The following FCHSD2 variants were observed in gnomAD, a reference collection of about 807,000 sequenced individuals.
FCHSD2 encodes the protein FCH and double SH3 domains 2, also known as F-BAR and double SH3 domains protein 2.
In FCHSD2, 38 loss-of-function variants were observed where a neutral mutation model predicts 108.1. The ratio of observed to expected loss-of-function variants is 0.35; its 90% CI spans 0.27 to 0.46. FCHSD2 has a LOEUF of 0.46. Ranked by LOEUF, FCHSD2 falls within the 20% of genes least tolerant of loss-of-function variation. FCHSD2 has a pLI of 1.00. For missense variants in FCHSD2, 751 were observed against 897.8 expected (o/e 0.84, Z 2.09); for synonymous variants, 279 against 314.7 (o/e 0.89, Z 1.20).
intron 19 of FCHSD2, among the ~76,000 whole-genome samples, chr11:72,839,665 G>A (rs1860847968): frequency 6.6e-6 from 1 of 152,088 alleles, no homozygotes; most frequent in African/African-American, 2.4e-5. Flanking sequence ...TACCAAGATA[G>A]GCAATATGGG....
chr11:72,960,223 T>C (rs566827994), intron 8 of FCHSD2, among the ~76,000 whole-genome samples: 17 of 152,146 alleles, frequency 1.1e-4, no homozygotes, highest in Admixed American at 1.1e-3. Context: ...GGAGATGCCA[T>C]GGCCAGTCTC....
At chr11:72,908,898 C>T (rs1302054137) in intron 9 of FCHSD2, among the ~76,000 whole-genome samples, 6 of 152,182 alleles carry the variant, frequency 3.9e-5, no homozygotes, top group Non-Finnish European at 1.5e-5. Context: ...AAGCGATCTG[C>T]CCACCTTGGC....
chr11:72,954,988 T>C (rs1300770859), intron 8 of FCHSD2, among the ~76,000 whole-genome samples: 4 of 152,164 alleles, frequency 2.6e-5, no homozygotes, highest in African/African-American at 9.7e-5. Flanking sequence ...CTCAACACAA[T>C]ACTTCTGACT....
At chr11:73,062,494 G>A (rs1859191507) in intron 3 of FCHSD2, among the ~76,000 whole-genome samples, 1 of 152,148 alleles carries the variant, frequency 6.6e-6, no homozygotes, top group African/African-American at 2.4e-5. Flanking sequence ...ACACCTCCAA[G>A]CTAAAGGAGC....
chr11:72,985,867 A>T (rs1857301089), intron 6 of FCHSD2, among the ~76,000 whole-genome samples: 1 of 152,222 alleles, frequency 6.6e-6, no homozygotes, highest in Non-Finnish European at 1.5e-5. Context: ...GCTAGGGAAC[A>T]AGCAACACTC....
intron 3 of FCHSD2, among the ~76,000 whole-genome samples, chr11:73,043,253 T>G (rs1235212059): frequency 6.6e-6 from 1 of 152,188 alleles, no homozygotes; most frequent in Non-Finnish European, 1.5e-5. Context: ...TTGAGAGATT[T>G]TATCATGAAG....
At position 72,838,863 on chromosome 11, in the gene FCHSD2, A is replaced by G; in HGVS notation, c.2151T>C (p.Ala717=). Residue 717 remains alanine, a synonymous_variant, in exon 20 of 20, where the codon GCT becomes GCC. Transcript: ENST00000409418. ...GGTGATTCTGTGTAGGTGGAGGGGGAGCTGCCCGGACCTGAGCAGGAAACA... is the reference window on the plus strand; with the variant it reads ...GGTGATTCTGTGTAGGTGGAGGGGGGGCTGCCCGGACCTGAGCAGGAAACA... ...SYGKLRPVRA[A]PPPPTQNHRR... 6.3e-7 allele frequency: 1 copy of G among 1,583,742 alleles called. No individual in the cohort carries two copies. Among genetic ancestry groups the G allele is most frequent in the Non-Finnish European group, 8.6e-7 (1 of 1,166,880 alleles).
intron 8 of FCHSD2, among the ~76,000 whole-genome samples, chr11:72,926,309 C>A (rs1241075421): frequency 6.6e-6 from 1 of 152,154 alleles, no homozygotes; most frequent in East Asian, 1.9e-4. Context: ...TTCTGAGGTC[C>A]ATAAAAGCCC....
intron 2 of FCHSD2, among the ~76,000 whole-genome samples, chr11:73,125,575 C>T (rs1860835599): frequency 6.6e-6 from 1 of 151,980 alleles, no homozygotes; most frequent in Admixed American, 6.6e-5. Context: ...CATAGTGGCA[C>T]ACATCTGTAG....
In FCHSD2 at chr11:72,956,579, C is replaced by A. The variant is rs181296282; in HGVS notation, c.705+27509G>T. Among the ~76,000 whole-genome samples the A allele has an allele frequency of 6.6e-5, 10 of 152,286 alleles. No homozygotes were observed. The East Asian group carries it at 1.2e-3, about 18-fold the overall frequency. On this transcript the variant is annotated intron_variant, in intron 8 of 19. Coordinates refer to ENST00000409418, the MANE Select transcript of FCHSD2 (RefSeq NM_014824.3). ...GAGAAATCCAAGATCAAGGCGCCAG[C>A]AGATTTGGTGTCTGGTGAGGGCCCA...
intron 2 of FCHSD2, among the ~76,000 whole-genome samples, chr11:73,105,999 G>A (rs1272144387): frequency 6.6e-6 from 1 of 152,148 alleles, no homozygotes; most frequent in Non-Finnish European, 1.5e-5. Flanking sequence ...TTGCATCCAA[G>A]GATTTCCAGA....
rs1855981825 is a variant in FCHSD2 at position 72,921,888 on chromosome 11, C to T, written c.768G>A (p.Glu256=). The change falls in exon 9 of 20, where the codon GAG becomes GAA. Residue 256 remains glutamate (E), a synonymous_variant. Transcript: ENST00000409418. ...TCTGCACAGCTTGGCATGTTTCTAG[C>T]TCAGTCCGGCTGAAGGCTATTAAAT... ...KDYLIAFSRT[E]LETCQAVQNT... 3 of 1,606,312 alleles carry T rather than the reference C, an allele frequency of 1.9e-6. No individual in the cohort carries two copies. In the African/African-American group the frequency reaches 4.0e-5, roughly 21 times the overall value.
At chr11:73,092,072 C>T (rs1859972280) in intron 2 of FCHSD2, among the ~76,000 whole-genome samples, 1 of 152,162 alleles carries the variant, frequency 6.6e-6, no homozygotes, top group African/African-American at 2.4e-5. Flanking sequence ...ATGATCTCAT[C>T]TGAGAAGCCT....
chr11:72,999,851 C>T (rs1035013511), intron 5 of FCHSD2, among the ~76,000 whole-genome samples: 8 of 134,068 alleles, frequency 6.0e-5, no homozygotes, highest in African/African-American at 1.9e-4. Flanking sequence ...CTTACACCCT[C>T]TTTCTGCACA....
chr11:73,038,677 T>TA (rs1411554377), intron 3 of FCHSD2, among the ~76,000 whole-genome samples: 1 of 152,062 alleles, frequency 6.6e-6, no homozygotes, highest in Non-Finnish European at 1.5e-5. Context: ...ATGGGAATAA[T>TA]AAACACTAGG....
At chr11:73,098,512 C>T (rs983391801) in intron 2 of FCHSD2, among the ~76,000 whole-genome samples, 2 of 151,908 alleles carry the variant, frequency 1.3e-5, no homozygotes, top group East Asian at 3.9e-4. Context: ...GAAAAATATA[C>T]ACTCTACTTC....
At chr11:72,944,765 C>A (rs1450964590) in intron 8 of FCHSD2, among the ~76,000 whole-genome samples, 1 of 152,130 alleles carries the variant, frequency 6.6e-6, no homozygotes, top group Admixed American at 6.6e-5. Flanking sequence ...AACAGACAAA[C>A]AGAGAGCCAA....
At chr11:73,090,507 G>A (rs951275477) in intron 2 of FCHSD2, among the ~76,000 whole-genome samples, 14 of 152,114 alleles carry the variant, frequency 9.2e-5, no homozygotes, top group Non-Finnish European at 1.5e-5. Context: ...TTACAGGCGT[G>A]AGCCACCGCG....
intron 9 of FCHSD2, among the ~76,000 whole-genome samples, chr11:72,911,398 T>C (rs1036861468): frequency 6.6e-6 from 1 of 152,220 alleles, no homozygotes; most frequent in African/African-American, 2.4e-5. Context: ...TGTAGTATAA[T>C]TAGAAGTCAC....
Sources: allele counts gnomAD v4.1 joint callset (sites outside exome capture counted in the v4.1 genomes callset), GRCh38; gene constraint gnomAD v4.1.1; transcripts MANE v1.5; gene names NCBI Gene and HGNC (gene_info 2026-07-23, HGNC 2026-07-21).